ZBTB16: variants seen among roughly 807,000 people sequenced by gnomAD.
ZBTB16 encodes zinc finger and BTB domain containing 16.
ZBTB16 carries 8 observed loss-of-function variants against 56.8 expected under a neutral mutation model. The observed-to-expected ratio is 0.14, with a 90% confidence interval of 0.08 to 0.25. The LOEUF (loss-of-function observed/expected upper bound fraction) is 0.25. ZBTB16 is among the 10% of genes least tolerant of loss of function. ZBTB16 has a pLI of 1.00. For missense variants in ZBTB16, 625 were observed against 903.0 expected (o/e 0.69, Z 3.95); for synonymous variants, 363 against 368.5 (o/e 0.98, Z 0.17).
At chr11:114,083,378 C>G (rs1039022316) in intron 2 of ZBTB16, among the ~76,000 whole-genome samples, 2 of 152,232 alleles carry the variant, frequency 1.3e-5, no homozygotes, top group African/African-American at 2.4e-5. Context: ...CCACTGGCCA[C>G]TGGAGGCTAG....
At chr11:114,231,369 G>A (rs1464868976) in intron 4 of ZBTB16, among the ~76,000 whole-genome samples, 1 of 152,074 alleles carries the variant, frequency 6.6e-6, no homozygotes, top group Non-Finnish European at 1.5e-5. Context: ...GCTGCTGGGG[G>A]CTTGGGAGAG....
chr11:114,081,354 C>A (rs183866919), intron 2 of ZBTB16, among the ~76,000 whole-genome samples: 3 of 152,222 alleles, frequency 2.0e-5, no homozygotes, highest in Admixed American at 1.3e-4. Flanking sequence ...CCAAAGATTG[C>A]TAAGACATGG....
chr11:114,100,734 CA>C (rs1940576675), intron 2 of ZBTB16, among the ~76,000 whole-genome samples: 1 of 152,188 alleles, frequency 6.6e-6, no homozygotes, highest in African/African-American at 2.4e-5. Flanking sequence ...TGAGATGCGG[CA>C]CATTTCGCTT....
chr11:114,069,354 G>A (rs1309858613), intron 2 of ZBTB16, among the ~76,000 whole-genome samples: 4 of 152,178 alleles, frequency 2.6e-5, no homozygotes, highest in Non-Finnish European at 4.4e-5. Flanking sequence ...CAAAGTGCTG[G>A]GATTACAGGT....
At chr11:114,164,546 G>A (rs1262118392) in intron 3 of ZBTB16, among the ~76,000 whole-genome samples, 2 of 152,220 alleles carry the variant, frequency 1.3e-5, no homozygotes, top group African/African-American at 2.4e-5. Context: ...GGGGTTATTG[G>A]GGAGGGATAT....
intron 4 of ZBTB16, among the ~76,000 whole-genome samples, chr11:114,233,134 C>G (rs1294594815): frequency 1.2e-5 from 1 of 83,376 alleles, no homozygotes; most frequent in African/African-American, 3.5e-5. Flanking sequence ...CACTCTCTCT[C>G]TCTCACACTC....
At chr11:114,219,702 A>G (rs1944186984) in intron 4 of ZBTB16, among the ~76,000 whole-genome samples, 1 of 152,172 alleles carries the variant, frequency 6.6e-6, no homozygotes, top group South Asian at 2.1e-4. Context: ...ACAATTTAAG[A>G]CAAATGTGAG....
At chr11:114,106,642 T>A (rs917056599) in intron 2 of ZBTB16, among the ~76,000 whole-genome samples, 18 of 152,112 alleles carry the variant, frequency 1.2e-4, no homozygotes, top group Admixed American at 1.1e-3. Flanking sequence ...GGCTAATTTT[T>A]AAAATTTTTT....
chr11:114,175,599 A>AG (rs1420875026), intron 3 of ZBTB16, among the ~76,000 whole-genome samples: 3 of 151,940 alleles, frequency 2.0e-5, no homozygotes, highest in Non-Finnish European at 4.4e-5. Context: ...GGGAGAGGAC[A>AG]GGGGATTCTG....
At chr11:114,177,472 A>G (rs1943145550) in intron 3 of ZBTB16, among the ~76,000 whole-genome samples, 1 of 151,710 alleles carries the variant, frequency 6.6e-6, no homozygotes, top group Non-Finnish European at 1.5e-5. Flanking sequence ...CTGGTCTCCA[A>G]CTCCAGACCT....
At chr11:114,133,059 ACT>A (rs899618897) in intron 2 of ZBTB16, among the ~76,000 whole-genome samples, 1 of 151,920 alleles carries the variant, frequency 6.6e-6, no homozygotes, top group African/African-American at 2.4e-5. Flanking sequence ...TTAGTGTCTG[ACT>A]CTTTTTATAG....
Position 114,059,997 on chromosome 11 carries a change from C to T in ZBTB16, c.-91+115C>T, listed in dbSNP as rs1049891303. 1.0e-5 allele frequency: 4 copies of T among 391,010 alleles called. No homozygotes were observed. Among genetic ancestry groups the T allele is most frequent in the African/African-American group, 8.3e-5 (4 of 48,334 alleles). 24.2% of individuals were successfully genotyped at this position (391,010 alleles called of 1,614,324 possible). ...TCGCTTCGGCCACTCGGCCGCTGGG[C>T]TTGTGCCTTTTTTATTTGGCGTGTT... On this transcript the variant is annotated intron_variant, in intron 1 of 6. Coordinates refer to ENST00000335953, the MANE Select transcript of ZBTB16 (RefSeq NM_006006.6). The surrounding 1 kb of genome is among the most constrained non-coding windows in gnomAD (Gnocchi z 5.3).
chr11:114,184,573 G>C (rs1457557759), intron 3 of ZBTB16, among the ~76,000 whole-genome samples: 1 of 152,142 alleles, frequency 6.6e-6, no homozygotes, highest in Non-Finnish European at 1.5e-5. Flanking sequence ...CTGAAATCAG[G>C]CTGCCTGTGT....
rs58946694 is a variant in ZBTB16 at position 114,167,232 on chromosome 11, G to GTTTTTTTTTTTT, written c.1366+10808_1366+10819dup. ...GGATTTGTGGTTTTTTTTTTTTTTG[G>GTTTTTTTTTTTT]TTTTTTTTTTTTTTTTTTTTTGACA... On this transcript the variant is annotated intron_variant, in intron 3 of 6. Coordinates refer to ENST00000335953, the MANE Select transcript of ZBTB16 (RefSeq NM_006006.6). Among the ~76,000 whole-genome samples the GTTTTTTTTTTTT allele has an allele frequency of 4.0e-3, 353 of 88,690 alleles. 21 individuals carry two copies. The highest frequency in any genetic ancestry group is 5.2e-3 in the African/African-American group (87 of 16,622). The allele number at this position is 88,690 out of a possible 152,430, so 58.2% of individuals were successfully genotyped here. A position where few individuals can be genotyped will look rare whatever the true frequency, so the allele number is the denominator to read the frequency against.
intron 4 of ZBTB16, among the ~76,000 whole-genome samples, chr11:114,235,718 T>TTTC (rs1332757077): frequency 0.045 from 6,116 of 134,914 alleles, 475 homozygotes; most frequent in African/African-American, 0.15. Flanking sequence ...CTTTCTTTCT[T>TTTC]TTTCTTTCTT....
intron 3 of ZBTB16, among the ~76,000 whole-genome samples, chr11:114,176,814 T>C (rs1465263518): frequency 6.6e-6 from 1 of 152,134 alleles, no homozygotes; most frequent in Non-Finnish European, 1.5e-5. Flanking sequence ...TCAGTTTCTT[T>C]TGGTACTTTG....
At chr11:114,081,603 T>C (rs1253642265) in intron 2 of ZBTB16, among the ~76,000 whole-genome samples, 1 of 152,154 alleles carries the variant, frequency 6.6e-6, no homozygotes, top group East Asian at 1.9e-4. Context: ...TCCTGGGGCT[T>C]TCCTAATGGG....
intron 5 of ZBTB16, 102 bp from the exon 6 acceptor site, chr11:114,247,095 AT>A: frequency 2.6e-6 from 4 of 1,524,434 alleles, no homozygotes; most frequent in Non-Finnish European, 3.6e-6. Context: ...GAGGTGGTGA[AT>A]ACAGGCCGTC....
chr11:114,224,946 T>C (rs1235440538), intron 4 of ZBTB16, among the ~76,000 whole-genome samples: 1 of 152,046 alleles, frequency 6.6e-6, no homozygotes, highest in Non-Finnish European at 1.5e-5. Context: ...AGGAGTGGGA[T>C]TACAGTGGGT....
Sources: gnomAD v4.1 joint callset for allele counts (sites outside exome capture counted in the v4.1 genomes callset) on GRCh38, gnomAD v4.1.1 for gene constraint, Gnocchi (gnomAD v3.1) non-coding constraint, MANE v1.5 for transcripts, NCBI Gene and HGNC (gene_info 2026-07-23, HGNC 2026-07-21) for gene names.